The following C2orf74 variants were observed in gnomAD, a reference collection of about 807,000 sequenced individuals.
The protein encoded by C2orf74 is DPM1 ER membrane anchor 1.
Under a neutral mutation model 17.9 loss-of-function variants are expected in C2orf74, and 14 were observed. The observed-to-expected ratio is 0.78, with a 90% CI of 0.52 to 1.22. The LOEUF (loss-of-function observed/expected upper bound fraction) is 1.22. Ranked by LOEUF, C2orf74 falls within the 50% of genes most tolerant of loss-of-function variation. C2orf74 has a pLI of 0.00. For missense variants in C2orf74, 217 were observed against 218.4 expected (o/e 0.99, Z 0.04); for synonymous variants, 79 against 72.6 (o/e 1.09, Z -0.44).
intron 1 of C2orf74, among the ~76,000 whole-genome samples, chr2:61,155,352 A>T (rs1377784113): frequency 6.6e-6 from 1 of 152,142 alleles, no homozygotes; most frequent in Non-Finnish European, 1.5e-5. Flanking sequence ...CTCATCACCA[A>T]TGAATTTTTA....
chr2:61,157,932 T>A (rs1218046936), upstream of C2orf74: 2 of 471,282 alleles, frequency 4.2e-6, no homozygotes, highest in Non-Finnish European at 8.8e-6. Flanking sequence ...CTGGACCATC[T>A]GGAGCCCAAG....
chr2:61,164,375 C>A lies in C2orf74; in HGVS notation c.412C>A (p.His138Asn), dbSNP rs1182538834. 11 of 1,545,250 alleles carry A rather than the reference C, an allele frequency of 7.1e-6. No individual in the cohort carries two copies. The highest frequency in any genetic ancestry group is 9.6e-6 in the Non-Finnish European group (11 of 1,145,036). ...GCAGGATGATGGTTTGCAGAAAATACACACATCTGTCACTAGAACTCCTTC... is the reference window on the plus strand; with the variant it reads ...GCAGGATGATGGTTTGCAGAAAATAAACACATCTGTCACTAGAACTCCTTC... ...QEEDDGLQKI[H>N]TSVTRTPSVV... Residue 138 changes from histidine (H) to asparagine (N), a missense_variant, in exon 5 of 5, where the codon CAC becomes AAC. Physicochemically the swap from His to Asn is moderately conservative, Grantham distance 68 (BLOSUM62 1). Transcript: ENST00000432605.
chr2:61,148,785 C>T (rs1006773693), intron 1 of C2orf74, among the ~76,000 whole-genome samples: 9 of 152,044 alleles, frequency 5.9e-5, no homozygotes, highest in African/African-American at 1.7e-4. Context: ...GGCACAATCT[C>T]GGCTCACTGC....
At chr2:61,151,524 A>G (rs1685227735) in intron 1 of C2orf74, 1 of 151,642 alleles carries the variant, frequency 6.6e-6, no homozygotes, top group South Asian at 2.1e-4. Flanking sequence ...ATGTTAGTCT[A>G]AAGTAATCTG....
Position 61,164,722 on chromosome 2 carries a change from T to A in C2orf74, c.*195T>A. 2.4e-6 allele frequency: 1 copy of A among 420,322 alleles called. No individual in the cohort carries two copies. Among genetic ancestry groups the A allele is most frequent in the East Asian group, 4.0e-5 (1 of 24,804 alleles). 26.0% of individuals were successfully genotyped at this position (420,322 alleles called of 1,614,324 possible). A position where few individuals can be genotyped will look rare whatever the true frequency, so the allele number is the denominator to read the frequency against. On this transcript the variant is annotated 3_prime_UTR_variant, in exon 5 of 5. Transcript: ENST00000432605. ...AAATACTTAGAGCTTGAATATAATT[T>A]TTTAAAAATTCAAATCTGAGTTCAA... is the stretch of plus-strand genomic sequence containing the variant.
chr2:61,158,682 G>C (rs1226997148), upstream of C2orf74, among the ~76,000 whole-genome samples: 1 of 152,158 alleles, frequency 6.6e-6, no homozygotes, highest in Non-Finnish European at 1.5e-5. Flanking sequence ...TAGTGGGGAA[G>C]GCGGAAAATC....
upstream of C2orf74, chr2:61,157,807 G>A (rs1685436028): frequency 2.2e-6 from 1 of 456,562 alleles, no homozygotes; most frequent in Admixed American, 2.4e-5. Flanking sequence ...CTGTGACGGA[G>A]TCCTTTGAGC....
At chr2:61,147,911 GC>G (rs1685116408) in intron 1 of C2orf74, among the ~76,000 whole-genome samples, 1 of 151,554 alleles carries the variant, frequency 6.6e-6, no homozygotes, top group Non-Finnish European at 1.5e-5. Flanking sequence ...GGGACTACAG[GC>G]ACATGCCACC....
chr2:61,158,606 C>T (rs1435571005), upstream of C2orf74, among the ~76,000 whole-genome samples: 2 of 152,108 alleles, frequency 1.3e-5, no homozygotes, highest in African/African-American at 4.8e-5. Context: ...GGTGGTGCAG[C>T]TGAGGTGAAC....
chr2:61,154,190 T>C (rs1006739363), intron 1 of C2orf74, among the ~76,000 whole-genome samples: 3 of 149,186 alleles, frequency 2.0e-5, no homozygotes, highest in African/African-American at 5.0e-5. Context: ...GCCAACATCA[T>C]GCCATTGCAC....
At chr2:61,155,721 C>T (rs1029657714) in intron 1 of C2orf74, among the ~76,000 whole-genome samples, 4 of 152,026 alleles carry the variant, frequency 2.6e-5, no homozygotes, top group Admixed American at 6.5e-5. Flanking sequence ...GGGGTTTCAC[C>T]GTGTTAGCCA....
chr2:61,162,025 C>G (rs575846038), upstream of C2orf74: 2 of 159,396 alleles, frequency 1.3e-5, no homozygotes, highest in African/African-American at 4.8e-5. Flanking sequence ...CTGGACCTCT[C>G]AGAAGAGGGG....
chr2:61,164,275 C>T (rs1685661875), intron 4 of C2orf74, 79 bp from the exon 5 acceptor site: 5 of 1,193,934 alleles, frequency 4.2e-6, no homozygotes, highest in Middle Eastern at 2.0e-4. Flanking sequence ...GTTAAGTGTA[C>T]ATATAACCTG....
At chr2:61,158,949 G>A (rs1395761495), upstream of C2orf74, among the ~76,000 whole-genome samples, 1 of 152,074 alleles carries the variant, frequency 6.6e-6, no homozygotes, top group Admixed American at 6.6e-5. Flanking sequence ...ATTGCATAAT[G>A]GAAGAGAATC....
chr2:61,163,588 G>C (rs1437407814), intron 4 of C2orf74, among the ~76,000 whole-genome samples: 1 of 150,830 alleles, frequency 6.6e-6, no homozygotes. Context: ...GTGACAGAGG[G>C]AGACTCCATC....
intron 1 of C2orf74, among the ~76,000 whole-genome samples, chr2:61,154,086 A>G (rs1420677637): frequency 6.6e-6 from 1 of 151,392 alleles, no homozygotes; most frequent in Non-Finnish European, 1.5e-5. Context: ...TAATAATACA[A>G]AAATTAGCTG....
rs187641834 is a variant in C2orf74, at chr2:61,154,354, T to C, written c.-121-8488T>C. On this transcript the variant is annotated intron_variant, in intron 1 of 3. Coordinates refer to the C2orf74 transcript ENST00000426997. ...CAAGGTCATCAAAAACAGGGAAAGT[T>C]TGAGAAATTGTCACAGCCAAGAGGA... Among the ~76,000 whole-genome samples, 4 of 152,282 alleles carry C rather than the reference T, an allele frequency of 2.6e-5. No individual in the cohort carries two copies. In the East Asian group the frequency reaches 5.8e-4, roughly 22 times the overall value.
chr2:61,158,108 C>T, upstream of C2orf74: 1 of 426,576 alleles, frequency 2.3e-6, no homozygotes, highest in East Asian at 7.1e-5. Context: ...GCCCCCCTTG[C>T]TCCAAAGAGA....
intron 1 of C2orf74, among the ~76,000 whole-genome samples, chr2:61,156,852 C>T (rs1685406382): frequency 6.6e-6 from 1 of 152,116 alleles, no homozygotes; most frequent in African/African-American, 2.4e-5. Flanking sequence ...GCCACTACAA[C>T]CTGGGTGACA....
Sources: gnomAD v4.1 joint callset for allele counts (sites outside exome capture counted in the v4.1 genomes callset) on GRCh38, gnomAD v4.1.1 for gene constraint, MANE v1.5 for transcripts, NCBI Gene and HGNC (gene_info 2026-07-23, HGNC 2026-07-21) for gene names.